CELF2: variants seen among roughly 807,000 people sequenced by gnomAD.
CELF2 encodes the protein CUGBP Elav-like family member 2, also known as CUG triplet repeat RNA-binding protein 2.
CELF2 carries 8 observed loss-of-function variants against 62.6 expected under a neutral mutation model. The observed-to-expected ratio is 0.13, with a 90% CI of 0.07 to 0.23. The LOEUF (loss-of-function observed/expected upper bound fraction) is 0.23. Among genes scored for constraint, CELF2 ranks in the 10% least tolerant of loss-of-function variants. CELF2 has a pLI of 1.00. For missense variants in CELF2, 333 were observed against 671.0 expected (o/e 0.50, Z 5.56); for synonymous variants, 258 against 250.0 (o/e 1.03, Z -0.30).
At chr10:10,924,280 C>CAAAAAAA (rs1564827054) in intron 2 of CELF2, among the ~76,000 whole-genome samples, 3 of 52,654 alleles carry the variant, frequency 5.7e-5, no homozygotes, top group Admixed American at 1.9e-4. Context: ...AGACTCCGTC[C>CAAAAAAA]CAAAAAAAAA....
chr10:10,875,491 T>G (rs1050051519), intron 1 of CELF2, among the ~76,000 whole-genome samples: 1 of 152,196 alleles, frequency 6.6e-6, no homozygotes, highest in Non-Finnish European at 1.5e-5. Context: ...CAATCTTTGG[T>G]TTCTCTCTCC....
chr10:10,720,884 C>A, the CELF2 span, among the ~76,000 whole-genome samples: 2 of 152,060 alleles, frequency 1.3e-5, no homozygotes, highest in African/African-American at 4.8e-5. Context: ...ATAAAGTAAG[C>A]AGAAATAAAA....
At position 11,211,026 on chromosome 10, in the gene CELF2, C is replaced by T. The variant is rs998183879; in HGVS notation, c.272-6399C>T. ...ATGCTCAGTGGCTCATGCCTGTAAT[C>T]GTAGCACTTTGGGAGGCCAAGGCAG... On this transcript the variant is annotated intron_variant, in intron 2 of 12. Coordinates refer to ENST00000633077, the MANE Select transcript of CELF2 (RefSeq NM_001326342.2). This position sits in a 1 kb window ranked among gnomAD's most constrained non-coding sequence, Gnocchi z 4.8. Among the ~76,000 whole-genome samples the T allele has an allele frequency of 2.6e-5, 4 of 152,204 alleles. No individual in the cohort carries two copies. The highest frequency in any genetic ancestry group is 4.8e-5 in the African/African-American group (2 of 41,448).
chr10:11,126,148 C>T (rs546223144), intron 1 of CELF2, among the ~76,000 whole-genome samples: 9 of 152,300 alleles, frequency 5.9e-5, no homozygotes, highest in East Asian at 3.9e-4. Flanking sequence ...AGTTCATTTA[C>T]GATGATTAAT....
chr10:11,288,082 C>T (rs1472923609), intron 8 of CELF2, among the ~76,000 whole-genome samples: 1 of 152,268 alleles, frequency 6.6e-6, no homozygotes, highest in African/African-American at 2.4e-5. Context: ...CTCCTCTTTT[C>T]CACTTATCTC....
chr10:11,157,954 C>T lies in CELF2; in HGVS notation c.75-7532C>T, dbSNP rs649882. On this transcript the variant is annotated intron_variant, in intron 1 of 12. Coordinates refer to ENST00000633077, the MANE Select transcript of CELF2 (RefSeq NM_001326342.2). This position sits in a 1 kb window ranked among gnomAD's most constrained non-coding sequence, Gnocchi z 4.9. ...ATGTCGTGTGTCTTTCGTTTGCCCC[C>T]CTTGATGTGGGTCCCTTTAATCATT... Among the ~76,000 whole-genome samples the T allele has an allele frequency of 0.56, 85,068 of 152,096 alleles. 25,291 individuals are homozygous for T. Among genetic ancestry groups the T allele is most frequent in the East Asian group, 0.85 (4,419 of 5,180 alleles).
At chr10:10,899,524 G>A (rs923824033) in intron 1 of CELF2, among the ~76,000 whole-genome samples, 1 of 152,146 alleles carries the variant, frequency 6.6e-6, no homozygotes, top group African/African-American at 2.4e-5. Flanking sequence ...GGCTTTGAGG[G>A]CCACAAATTG....
intron 2 of CELF2, among the ~76,000 whole-genome samples, chr10:11,181,679 T>C (rs1283325842): frequency 6.6e-6 from 1 of 152,232 alleles, no homozygotes; most frequent in African/African-American, 2.4e-5. Context: ...CAGTACTTTG[T>C]GCCATTCTGC....
the CELF2 span, among the ~76,000 whole-genome samples, chr10:10,708,622 G>A: frequency 6.6e-6 from 1 of 152,142 alleles, no homozygotes; most frequent in African/African-American, 2.4e-5. Context: ...TAGGAAAAGG[G>A]TTATAGATTA....
At chr10:10,886,041 C>A (rs369263761) in intron 1 of CELF2, among the ~76,000 whole-genome samples, 1 of 152,182 alleles carries the variant, frequency 6.6e-6, no homozygotes, top group Admixed American at 6.5e-5. Context: ...ATCTTTCCCA[C>A]GTGTTCTAAT....
chr10:10,578,441 C>T, the CELF2 span, among the ~76,000 whole-genome samples: 20 of 152,132 alleles, frequency 1.3e-4, no homozygotes, highest in Non-Finnish European at 2.2e-4. Flanking sequence ...TTGCCCATGC[C>T]TATGTCCTGA....
At chr10:10,791,536 T>A in the CELF2 span, among the ~76,000 whole-genome samples, 34 of 152,238 alleles carry the variant, frequency 2.2e-4, no homozygotes, top group African/African-American at 8.0e-4. Context: ...GAGGTAAACT[T>A]TTCATTTTTT....
At position 11,012,511 on chromosome 10, in the gene CELF2, G is replaced by A. The variant is rs1011588288; in HGVS notation, c.53+7071G>A. The stretch of plus-strand genomic sequence containing the variant: ...CCGTCTCAGACAACCCCACCCTCAA[G>A]CTTACCACATCCATTTCTCTTCCTT... On this transcript the variant is annotated intron_variant, in intron 1 of 12. Transcript: ENST00000416382. This position sits in a 1 kb window ranked among gnomAD's most constrained non-coding sequence, Gnocchi z 5.5. Among the ~76,000 whole-genome samples, 1 of 152,116 alleles carries A rather than the reference G, an allele frequency of 6.6e-6. No homozygotes were observed. The highest frequency in any genetic ancestry group is 2.4e-5 in the African/African-American group (1 of 41,426).
At chr10:11,016,707 G>A (rs920800785), upstream of CELF2, among the ~76,000 whole-genome samples, 4 of 152,200 alleles carry the variant, frequency 2.6e-5, no homozygotes, top group African/African-American at 7.2e-5. This position sits in a 1 kb window ranked among gnomAD's most constrained non-coding sequence, Gnocchi z 5.2. Flanking sequence ...CATAATTTGT[G>A]AGGAGAAAGC....
intron 1 of CELF2, among the ~76,000 whole-genome samples, chr10:10,905,894 A>G (rs769126575): frequency 2.0e-5 from 3 of 151,124 alleles, no homozygotes; most frequent in Non-Finnish European, 4.4e-5. Context: ...GAAAAAAAAA[A>G]AAAGAAAAAG....
At chr10:10,862,654 A>T (rs993399395) in intron 1 of CELF2, among the ~76,000 whole-genome samples, 3 of 152,218 alleles carry the variant, frequency 2.0e-5, no homozygotes, top group African/African-American at 7.2e-5. Context: ...AGGAGGGCAC[A>T]TGGGCCCTGC....
intron 3 of CELF2, among the ~76,000 whole-genome samples, chr10:11,240,994 T>A (rs927415735): frequency 6.6e-6 from 1 of 152,120 alleles, no homozygotes; most frequent in Non-Finnish European, 1.5e-5. Flanking sequence ...CCAAGTTATT[T>A]AGCCTCTCTC....
intron 1 of CELF2, among the ~76,000 whole-genome samples, chr10:10,913,379 C>CTTTTTTTTTTTTTTTTTTTTTTT (rs34163796): frequency 1.7e-5 from 1 of 57,360 alleles, no homozygotes; most frequent in Non-Finnish European, 2.9e-5. Context: ...GTAATGATGT[C>CTTTTTTTTTTTTTTTTTTTTTTT]TTTTTTTTTT....
At chr10:10,573,717 T>C in the CELF2 span, among the ~76,000 whole-genome samples, 4 of 151,748 alleles carry the variant, frequency 2.6e-5, no homozygotes, top group Non-Finnish European at 4.4e-5. Flanking sequence ...TCAGATTAAA[T>C]GAGAAATAGA....
Sources: gnomAD v4.1 joint callset for allele counts (sites outside exome capture counted in the v4.1 genomes callset) on GRCh38, gnomAD v4.1.1 for gene constraint, Gnocchi (gnomAD v3.1) non-coding constraint, MANE v1.5 for transcripts, NCBI Gene and HGNC (gene_info 2026-07-23, HGNC 2026-07-21) for gene names.